WASF2: variants seen among roughly 807,000 people sequenced by gnomAD.
WASF2 encodes the protein actin-binding protein WASF2.
WASF2 carries 14 observed loss-of-function variants against 45.0 expected under a neutral mutation model. The ratio of observed to expected loss-of-function variants is 0.31; its 90% CI spans 0.21 to 0.49. WASF2 has a LOEUF of 0.49. Among genes scored for constraint, WASF2 ranks in the 20% least tolerant of loss-of-function variants. WASF2 has a pLI of 0.99. For synonymous variants in WASF2, 200 were observed against 236.3 expected (o/e 0.85, Z 1.41); for missense variants, 439 against 636.1 (o/e 0.69, Z 3.33).
intron 5 of WASF2, among the ~76,000 whole-genome samples, chr1:27,415,544 C>T (rs2016815940): frequency 6.6e-6 from 1 of 152,026 alleles, no homozygotes; most frequent in East Asian, 1.9e-4. Context: ...CTACATATAT[C>T]CCCCCACCCT....
At chr1:27,422,892 G>A (rs898119026) in intron 2 of WASF2, among the ~76,000 whole-genome samples, 1 of 152,042 alleles carries the variant, frequency 6.6e-6, no homozygotes, top group Non-Finnish European at 1.5e-5. Flanking sequence ...TAATCCCAAT[G>A]CTTTGGGAGG....
At chr1:27,443,509 A>C (rs1388753706) in intron 1 of WASF2, among the ~76,000 whole-genome samples, 1 of 151,538 alleles carries the variant, frequency 6.6e-6, no homozygotes, top group African/African-American at 2.4e-5. Context: ...GCTACTTGGG[A>C]GGCCGAGGCA....
intron 2 of WASF2, among the ~76,000 whole-genome samples, chr1:27,423,760 G>T (rs2016939104): frequency 7.1e-6 from 1 of 140,200 alleles, no homozygotes; most frequent in Non-Finnish European, 1.6e-5. Flanking sequence ...TTTTTCCTTA[G>T]CAGAACACTT....
chr1:27,489,165 T>C (rs1382529826), intron 1 of WASF2, among the ~76,000 whole-genome samples: 2 of 151,654 alleles, frequency 1.3e-5, no homozygotes, highest in Non-Finnish European at 2.9e-5. Context: ...GCTCACCCCA[T>C]CATGGTCTGG....
Position 27,409,969 on chromosome 1 carries a change from A to G in WASF2, c.1062T>C (p.Ser354=). The part of the protein sequence containing the change: ...PGTPPPPSPP[S]FPPHPDFAAP... ...CAGCAAAATCAGGGTGAGGTGGGAAAGATGGGGGTGAGGGTGGTGGAGGCG... is the reference window on the plus strand; with the variant it reads ...CAGCAAAATCAGGGTGAGGTGGGAAGGATGGGGGTGAGGGTGGTGGAGGCG... Residue 354 remains serine (S), a synonymous_variant, in exon 8 of 9, where the codon TCT becomes TCC. Transcript: ENST00000618852. 2.5e-6 allele frequency: 4 copies of G among 1,612,604 alleles called. No homozygotes were observed. The highest frequency in any genetic ancestry group is 3.4e-6 in the Non-Finnish European group (4 of 1,179,368).
intron 1 of WASF2, among the ~76,000 whole-genome samples, chr1:27,452,934 G>A (rs1331975091): frequency 7.9e-5 from 12 of 151,728 alleles, no homozygotes; most frequent in Non-Finnish European, 1.3e-4. Context: ...TGCCAGGCAC[G>A]GTGGCTCACG....
intron 1 of WASF2, among the ~76,000 whole-genome samples, chr1:27,448,599 C>T (rs2017340789): frequency 6.6e-6 from 1 of 152,020 alleles, no homozygotes; most frequent in Non-Finnish European, 1.5e-5. Context: ...GCCTGTAATC[C>T]CAGCACTTTG....
chr1:27,436,895 A>G (rs1467976010), intron 1 of WASF2, among the ~76,000 whole-genome samples: 1 of 152,226 alleles, frequency 6.6e-6, no homozygotes, highest in African/African-American at 2.4e-5. Flanking sequence ...GATCTAAAAG[A>G]GATATTTCCA....
intron 1 of WASF2, among the ~76,000 whole-genome samples, chr1:27,469,666 G>A (rs1291300752): frequency 6.6e-6 from 1 of 152,200 alleles, no homozygotes; most frequent in Non-Finnish European, 1.5e-5. Flanking sequence ...AGTTGACCAA[G>A]CGCAGTGGCT....
chr1:27,484,798 C>T (rs957221728), intron 1 of WASF2, among the ~76,000 whole-genome samples: 26 of 111,610 alleles, frequency 2.3e-4, no homozygotes, highest in Admixed American at 1.6e-4. Context: ...GATGACAGAG[C>T]GAGACTCTGT....
At chr1:27,473,302 A>T (rs2017717994) in intron 1 of WASF2, among the ~76,000 whole-genome samples, 1 of 151,772 alleles carries the variant, frequency 6.6e-6, no homozygotes, top group African/African-American at 2.4e-5. Flanking sequence ...AACATGGTGA[A>T]ACCCCGTCTC....
chr1:27,476,126 T>C (rs1353141568), intron 1 of WASF2, among the ~76,000 whole-genome samples: 2 of 152,234 alleles, frequency 1.3e-5, no homozygotes, highest in African/African-American at 2.4e-5. Context: ...GAATGTTTAA[T>C]ATAGCAAAGG....
intron 1 of WASF2, among the ~76,000 whole-genome samples, chr1:27,478,627 G>C (rs545626518): frequency 7.9e-5 from 12 of 152,224 alleles, no homozygotes; most frequent in African/African-American, 2.9e-4. Flanking sequence ...TTGTTGCCCA[G>C]GCTGGAGTGC....
intron 1 of WASF2, among the ~76,000 whole-genome samples, chr1:27,434,562 G>A (rs2017106402): frequency 6.6e-6 from 1 of 152,086 alleles, no homozygotes; most frequent in African/African-American, 2.4e-5. Flanking sequence ...CTAATTACTA[G>A]GACCTGTGAG....
At chr1:27,475,729 G>C (rs2017757048) in intron 1 of WASF2, among the ~76,000 whole-genome samples, 1 of 152,190 alleles carries the variant, frequency 6.6e-6, no homozygotes, top group Admixed American at 6.5e-5. Context: ...CTGGGTTCAA[G>C]TGATCCTCCC....
intron 1 of WASF2, among the ~76,000 whole-genome samples, chr1:27,484,744 G>A (rs901801192): frequency 2.7e-5 from 4 of 147,840 alleles, no homozygotes; most frequent in South Asian, 2.2e-4. Context: ...CTCGGGAGGC[G>A]GAGGTTGCAG....
Position 27,408,240 on chromosome 1 carries a change from A to G in WASF2, c.1446T>C (p.Ser482=). ...ILSRRIAVEY[S]DSEDDSSEFD... ...ATTCAGAGGAGTCATCTTCTGAGTC[A>G]CTGTACTCAACAGCAATGCGACGAG... The change falls in exon 9 of 9, where the codon AGT becomes AGC. Residue 482 remains serine (S), a synonymous_variant. Coordinates refer to ENST00000618852, the MANE Select transcript of WASF2 (RefSeq NM_006990.5). 1 of 1,614,176 alleles carries G rather than the reference A, an allele frequency of 6.2e-7. No homozygotes were observed. Among genetic ancestry groups the G allele is most frequent in the Non-Finnish European group, 8.5e-7 (1 of 1,180,034 alleles).
rs2148094293 is a variant in WASF2 at position 27,407,052 on chromosome 1, A to C, written c.*1137T>G. ...GACAGAAAAGGGGCAACAAAGAATG[A>C]CAAGAGAGGCTATGAAGGTCTGAGC... On this transcript the variant is annotated 3_prime_UTR_variant, in exon 9 of 9. Coordinates refer to ENST00000618852, the MANE Select transcript of WASF2 (RefSeq NM_006990.5). The C allele has an allele frequency of 6.6e-6, 1 of 152,520 alleles. No individual in the cohort carries two copies. Among genetic ancestry groups the C allele is most frequent in the South Asian group, 2.1e-4 (1 of 4,828 alleles). The allele number at this position is 152,520 out of a possible 1,614,324, so 9.4% of individuals were successfully genotyped here.
At chr1:27,473,934 A>T (rs1246893573) in intron 1 of WASF2, among the ~76,000 whole-genome samples, 1 of 152,216 alleles carries the variant, frequency 6.6e-6, no homozygotes, top group Non-Finnish European at 1.5e-5. Flanking sequence ...ACACTCACTC[A>T]GACTGGGACC....
Sources: allele counts gnomAD v4.1 joint callset (sites outside exome capture counted in the v4.1 genomes callset), GRCh38; gene constraint gnomAD v4.1.1; transcripts MANE v1.5; gene names NCBI Gene and HGNC (gene_info 2026-07-23, HGNC 2026-07-21).